IGF2BP2: variants seen among roughly 807,000 people sequenced by gnomAD.
IGF2BP2 encodes insulin like growth factor 2 mRNA binding protein 2, also known as insulin-like growth factor 2 mRNA-binding protein 2.
Under a neutral mutation model 75.8 loss-of-function variants are expected in IGF2BP2, and 17 were observed. That is an observed-to-expected ratio of 0.22 (90% CI 0.15 to 0.34). IGF2BP2 has a LOEUF of 0.34. IGF2BP2 is among the 10% of genes least tolerant of loss of function. IGF2BP2 has a pLI of 1.00. For missense variants in IGF2BP2, 516 were observed against 772.4 expected, an observed-to-expected ratio of 0.67 and a Z score of 3.93; for synonymous variants, 288 against 295.6, an observed-to-expected ratio of 0.97 and a Z score of 0.26.
rs188656776 is a variant in IGF2BP2 at position 185,815,961 on chromosome 3, C to A, written c.239+7192G>T. 2.8e-4 allele frequency among the ~76,000 whole-genome samples: 43 copies of A among 152,248 alleles called. 2 individuals are homozygous for A. The highest frequency in any genetic ancestry group is 1.0e-3 in the African/African-American group (42 of 41,524). Reference sequence around the variant, plus strand: ...ATTAACACTCACCCCATAGTCAAGACAGTATGAGAGGCCCAAGGCCTTATT... The same window carrying A: ...ATTAACACTCACCCCATAGTCAAGAAAGTATGAGAGGCCCAAGGCCTTATT... On this transcript the variant is annotated intron_variant, in intron 2 of 15. Transcript: ENST00000382199.
chr3:185,732,207 T>C (rs540606276), intron 2 of IGF2BP2, among the ~76,000 whole-genome samples: 1 of 152,342 alleles, frequency 6.6e-6, no homozygotes, highest in East Asian at 1.9e-4. Flanking sequence ...GCTTTTTCTC[T>C]ATTGGGAGTG....
intron 10 of IGF2BP2, among the ~76,000 whole-genome samples, chr3:185,667,874 G>A (rs1266416055): frequency 8.5e-5 from 13 of 152,112 alleles, no homozygotes; most frequent in South Asian, 2.1e-4. Context: ...GTCCAAATGC[G>A]CGTGCTCACT....
intron 2 of IGF2BP2, among the ~76,000 whole-genome samples, chr3:185,783,931 AAAAC>A (rs1327628625): frequency 6.6e-6 from 1 of 152,228 alleles, no homozygotes; most frequent in Non-Finnish European, 1.5e-5. Context: ...TTTAAAATAA[AAAAC>A]AAAATTAAAT....
rs73885757 is a variant in IGF2BP2, at chr3:185,643,779, C to A, written c.*1752G>T. ...ATATTTCTGTTTTTTCTTTTTTTTT[C>A]TTTTTTTTTTTTTTTTTTTTGTCAC... On this transcript the variant is annotated 3_prime_UTR_variant, in exon 16 of 16. Coordinates refer to ENST00000382199, the MANE Select transcript of IGF2BP2 (RefSeq NM_006548.6). 1.8e-5 allele frequency: 2 copies of A among 111,970 alleles called. No homozygotes were observed. Among genetic ancestry groups the A allele is most frequent in the Non-Finnish European group, 1.8e-5 (1 of 56,612 alleles). The allele number at this position is 111,970 out of a possible 1,614,324, so 6.9% of individuals were successfully genotyped here. A position where few individuals can be genotyped will look rare whatever the true frequency, so the allele number is the denominator to read the frequency against.
At chr3:185,677,018 TGGAGAGAG>T (rs1452890975) in intron 7 of IGF2BP2, among the ~76,000 whole-genome samples, 52 of 97,172 alleles carry the variant, frequency 5.4e-4, no homozygotes, top group African/African-American at 2.1e-3. Flanking sequence ...ATTATATATA[TGGAGAGAG>T]ATATATATAT....
chr3:185,799,068 G>T (rs1173832126), intron 2 of IGF2BP2, among the ~76,000 whole-genome samples: 2 of 151,676 alleles, frequency 1.3e-5, no homozygotes, highest in African/African-American at 4.8e-5. Context: ...GAGCCACTGT[G>T]CCTGGCTCTA....
rs116491056 is a variant in IGF2BP2, at chr3:185,699,388, G to A, written c.240-1041C>T. On this transcript the variant is annotated intron_variant, in intron 2 of 15. Coordinates refer to ENST00000382199, the MANE Select transcript of IGF2BP2 (RefSeq NM_006548.6). Reference sequence around the variant, plus strand: ...AACAGGACAGGTGAGGTCATATAGTGGGCTTCAACAAGATCAGATTTAGTT... The same window carrying A: ...AACAGGACAGGTGAGGTCATATAGTAGGCTTCAACAAGATCAGATTTAGTT... Among the ~76,000 whole-genome samples the A allele has an allele frequency of 3.3e-3, 506 of 152,170 alleles. 4 individuals are homozygous for A. The highest frequency in any genetic ancestry group is 0.012 in the African/African-American group (484 of 41,510).
chr3:185,736,591 G>A (rs1275077276), intron 2 of IGF2BP2, among the ~76,000 whole-genome samples: 1 of 152,196 alleles, frequency 6.6e-6, no homozygotes, highest in African/African-American at 2.4e-5. Flanking sequence ...AGGCCCACTT[G>A]CTTACCCAAT....
intron 2 of IGF2BP2, chr3:185,820,895 T>C (rs1341559378): frequency 2.2e-6 from 2 of 930,094 alleles, no homozygotes; most frequent in Non-Finnish European, 3.1e-6. Flanking sequence ...ACATATAGAA[T>C]TGACTTAACA....
At chr3:185,802,703 T>C (rs1219568097) in intron 2 of IGF2BP2, among the ~76,000 whole-genome samples, 2 of 152,204 alleles carry the variant, frequency 1.3e-5, no homozygotes, top group African/African-American at 4.8e-5. Flanking sequence ...AGGTATAAAA[T>C]TTCTCTTACA....
chr3:185,759,728 C>T (rs1732103179), intron 2 of IGF2BP2, among the ~76,000 whole-genome samples: 2 of 152,202 alleles, frequency 1.3e-5, no homozygotes, highest in Non-Finnish European at 1.5e-5. Flanking sequence ...TCTCAGAAGT[C>T]GCCCATAAAT....
At chr3:185,697,515 G>C (rs1722747872) in intron 3 of IGF2BP2, among the ~76,000 whole-genome samples, 1 of 151,848 alleles carries the variant, frequency 6.6e-6, no homozygotes, top group Admixed American at 6.6e-5. Context: ...GAGGCAGTTT[G>C]TTTTTAAATC....
chr3:185,792,752 C>T (rs1736824147), intron 2 of IGF2BP2, among the ~76,000 whole-genome samples: 1 of 137,756 alleles, frequency 7.3e-6, no homozygotes, highest in African/African-American at 2.8e-5. Flanking sequence ...TACAAGAGAA[C>T]AAGACTCCGT....
At chr3:185,682,631 A>ATAGACATTTC (rs1175319320) in intron 7 of IGF2BP2, among the ~76,000 whole-genome samples, 1 of 152,252 alleles carries the variant, frequency 6.6e-6, no homozygotes, top group African/African-American at 2.4e-5. Flanking sequence ...AAGGATTTGA[A>ATAGACATTTC]TAGACATTTC....
intron 2 of IGF2BP2, among the ~76,000 whole-genome samples, chr3:185,700,429 G>A (rs1249214069): frequency 6.6e-6 from 1 of 152,096 alleles, no homozygotes; most frequent in African/African-American, 2.4e-5. Context: ...CACTAATTGT[G>A]TATCAGGACG....
intron 1 of IGF2BP2, 126 bp downstream of exon 1, chr3:185,824,657 G>C: frequency 1.8e-6 from 1 of 557,918 alleles, no homozygotes; most frequent in Non-Finnish European, 2.6e-6. Context: ...GGTCTGGTGC[G>C]TGGAAGTGAG....
chr3:185,666,198 AAAC>A (rs959425933), intron 10 of IGF2BP2, among the ~76,000 whole-genome samples: 4 of 152,242 alleles, frequency 2.6e-5, no homozygotes, highest in African/African-American at 9.6e-5. Context: ...TACTCCAGAC[AAAC>A]AACAACAAAA....
At chr3:185,649,138 G>A (rs1218378253) in intron 14 of IGF2BP2, among the ~76,000 whole-genome samples, 3 of 152,112 alleles carry the variant, frequency 2.0e-5, no homozygotes, top group African/African-American at 7.2e-5. Context: ...GGTATTACTG[G>A]GCACAGGACT....
intron 2 of IGF2BP2, among the ~76,000 whole-genome samples, chr3:185,771,224 G>A (rs919453329): frequency 6.6e-6 from 1 of 152,158 alleles, no homozygotes; most frequent in African/African-American, 2.4e-5. Flanking sequence ...CCGATCACTT[G>A]AGGCCAGGAG....
Sources: gnomAD v4.1 joint callset for allele counts (sites outside exome capture counted in the v4.1 genomes callset) on GRCh38, gnomAD v4.1.1 for gene constraint, MANE v1.5 for transcripts, NCBI Gene and HGNC (gene_info 2026-07-23, HGNC 2026-07-21) for gene names.